Variants in PIK3C3 observed in about 807,000 individuals in gnomAD.
The protein encoded by PIK3C3 is PI3-kinase type 3.
Under a neutral mutation model 126.1 loss-of-function variants are expected in PIK3C3, and 95 were observed. That is an observed-to-expected ratio of 0.75 (90% confidence interval 0.64 to 0.89). PIK3C3 has a LOEUF of 0.89. PIK3C3 is among the 40% of genes least tolerant of loss of function. The pLI, the probability that PIK3C3 is intolerant of heterozygous loss-of-function variation, is 0.00. For synonymous variants in PIK3C3, 374 were observed against 360.0 expected (o/e 1.04, Z -0.44); for missense variants, 829 against 1,063.2 (o/e 0.78, Z 3.06).
At chr18:42,022,288 C>T (rs182175269) in intron 13 of PIK3C3, among the ~76,000 whole-genome samples, 1 of 152,282 alleles carries the variant, frequency 6.6e-6, no homozygotes, top group African/African-American at 2.4e-5. Context: ...ATCCCTGCCC[C>T]CATCCCCAAC....
At chr18:42,029,282 T>G in intron 14 of PIK3C3, 43 bp from the exon 15 acceptor site, 1 of 1,145,558 alleles carries the variant, frequency 8.7e-7, no homozygotes, top group African/African-American at 1.5e-5. Flanking sequence ...TCCAGATCAT[T>G]ACGCAACATA....
At chr18:41,982,430 T>C (rs1039538971) in intron 4 of PIK3C3, among the ~76,000 whole-genome samples, 30 of 152,160 alleles carry the variant, frequency 2.0e-4, no homozygotes, top group Admixed American at 1.9e-3. Flanking sequence ...TTGGATTTTA[T>C]TTCAGGTGGT....
At chr18:42,019,779 A>C (rs373569410) in intron 12 of PIK3C3, among the ~76,000 whole-genome samples, 2 of 152,148 alleles carry the variant, frequency 1.3e-5, no homozygotes, top group East Asian at 1.9e-4. Flanking sequence ...TCTGACAGGC[A>C]TTTTGAACTT....
chr18:42,005,042 T>G (rs1179634115), intron 10 of PIK3C3, among the ~76,000 whole-genome samples: 1 of 152,202 alleles, frequency 6.6e-6, no homozygotes, highest in Non-Finnish European at 1.5e-5. Context: ...ATATGTAGAT[T>G]TTCTGAAGGG....
intron 21 of PIK3C3, among the ~76,000 whole-genome samples, chr18:42,051,782 C>A (rs1984814132): frequency 6.6e-6 from 1 of 151,720 alleles, no homozygotes; most frequent in Non-Finnish European, 1.5e-5. Flanking sequence ...ATCTTTTAAC[C>A]ACAAGAATCA....
Position 42,064,731 on chromosome 18 carries a change from C to G in PIK3C3, c.2433-9C>G. Reference sequence around the variant, plus strand: ...CGTTGCTATTTTTTTCTTTTCTGCTCTTCTTTAGGTATTCTAATCTGATTT... The same window carrying G: ...CGTTGCTATTTTTTTCTTTTCTGCTGTTCTTTAGGTATTCTAATCTGATTT... On this transcript the variant is annotated splice_polypyrimidine_tract_variant and intron_variant, in intron 22 of 24. Transcript: ENST00000262039. The G allele has an allele frequency of 6.9e-7, 1 of 1,439,636 alleles. No individual in the cohort carries two copies. The highest frequency in any genetic ancestry group is 1.8e-4 in the Middle Eastern group (1 of 5,658). The allele number at this position is 1,439,636 out of a possible 1,614,324, so 89.2% of individuals were successfully genotyped here.
intron 24 of PIK3C3, among the ~76,000 whole-genome samples, chr18:42,075,145 C>A (rs1985927613): frequency 6.6e-6 from 1 of 151,886 alleles, no homozygotes; most frequent in South Asian, 2.1e-4. Flanking sequence ...AAAATTGTGA[C>A]CTAAAAAGAA....
intron 11 of PIK3C3, 36 bp downstream of exon 11, chr18:42,013,632 G>T: frequency 6.8e-7 from 1 of 1,464,552 alleles, no homozygotes. Context: ...TTTCTAGTTT[G>T]TTAATTTTTC....
intron 9 of PIK3C3, among the ~76,000 whole-genome samples, chr18:41,997,775 A>G (rs1053814751): frequency 1.3e-5 from 2 of 152,160 alleles, no homozygotes; most frequent in African/African-American, 4.8e-5. Context: ...CAGACTCACA[A>G]AGCTTATACA....
chr18:42,054,126 G>GTATATATATA (rs60224978), intron 21 of PIK3C3, among the ~76,000 whole-genome samples: 2 of 69,652 alleles, frequency 2.9e-5, no homozygotes, highest in African/African-American at 5.0e-5. Flanking sequence ...AGAACTAATG[G>GTATATATATA]TATATATATA....
At chr18:42,008,461 C>T (rs561560399) in intron 10 of PIK3C3, among the ~76,000 whole-genome samples, 15 of 152,198 alleles carry the variant, frequency 9.9e-5, no homozygotes, top group African/African-American at 1.7e-4. Flanking sequence ...GAGGCAAAAT[C>T]GGAACCCATG....
intron 15 of PIK3C3, among the ~76,000 whole-genome samples, 160 bp from the exon 16 acceptor site, chr18:42,033,666 A>G (rs1983923635): frequency 1.3e-5 from 2 of 152,230 alleles, no homozygotes; most frequent in South Asian, 4.1e-4. Flanking sequence ...GGGATTATTT[A>G]TAAGTGCTTG....
intron 21 of PIK3C3, 94 bp from the exon 22 acceptor site, chr18:42,057,789 G>C (rs950803925): frequency 9.1e-7 from 1 of 1,100,410 alleles, no homozygotes; most frequent in African/African-American, 1.6e-5. Flanking sequence ...TATTCTTTAT[G>C]AAGAGACACT....
intron 13 of PIK3C3, chr18:42,025,493 C>G (rs1983525981): frequency 6.6e-6 from 1 of 152,216 alleles, no homozygotes; most frequent in Non-Finnish European, 1.5e-5. Context: ...GTCTTTCCTT[C>G]TATTTAAGTG....
At chr18:42,000,537 TGATG>T (rs1982236031) in intron 9 of PIK3C3, among the ~76,000 whole-genome samples, 1 of 152,172 alleles carries the variant, frequency 6.6e-6, no homozygotes, top group African/African-American at 2.4e-5. Flanking sequence ...GGCCTGAACC[TGATG>T]GATTTATATA....
In PIK3C3 at chr18:42,083,819, G is replaced by A. The variant is rs1986331316; in HGVS notation, c.*2682G>A. 1 of 152,186 alleles carries A rather than the reference G, an allele frequency of 6.6e-6. No homozygotes were observed. Among genetic ancestry groups the A allele is most frequent in the Non-Finnish European group, 1.5e-5 (1 of 68,048 alleles). 9.4% of individuals were successfully genotyped at this position (152,186 alleles called of 1,614,324 possible). On this transcript the variant is annotated 3_prime_UTR_variant, in exon 25 of 25. Coordinates refer to ENST00000262039, the MANE Select transcript of PIK3C3 (RefSeq NM_002647.4). ...GAGCAGAGTTGGGATTTGAAGTCGA[G>A]TTAGACCCCAGTGATCACAGTCTTG...
intron 4 of PIK3C3, among the ~76,000 whole-genome samples, chr18:41,976,483 C>T (rs1185929741): frequency 6.6e-6 from 1 of 152,078 alleles, no homozygotes. Context: ...TTAATATCAA[C>T]AAAACCTCTT....
chr18:42,037,823 G>A lies in PIK3C3; in HGVS notation c.1968+3G>A, dbSNP rs148363308. 2 of 1,603,472 alleles carry A rather than the reference G, an allele frequency of 1.2e-6. No homozygotes were observed. Among genetic ancestry groups the A allele is most frequent in the Non-Finnish European group, 1.7e-6 (2 of 1,172,552 alleles). On this transcript the variant is annotated splice_donor_region_variant and intron_variant, in intron 17 of 24. Transcript: ENST00000262039. ...AAATCATTTCACTCATGGACAAGGT[G>A]AACATGACCTTATGTTGGTGGGGAA...
In PIK3C3 at chr18:42,085,029, T is replaced by C. The variant is rs1158288948; in HGVS notation, c.*3892T>C. ...GTCATCCAACCCAACCAGGTATCTCTTGTTATATGCTAACTTCATTTTCCC... is the reference window on the plus strand; with the variant it reads ...GTCATCCAACCCAACCAGGTATCTCCTGTTATATGCTAACTTCATTTTCCC... On this transcript the variant is annotated 3_prime_UTR_variant, in exon 25 of 25. Transcript: ENST00000262039. 1 of 152,250 alleles carries C rather than the reference T, an allele frequency of 6.6e-6. No homozygotes were observed. Among genetic ancestry groups the C allele is most frequent in the Non-Finnish European group, 1.5e-5 (1 of 68,046 alleles). The allele number at this position is 152,250 out of a possible 1,614,324, so 9.4% of individuals were successfully genotyped here.
Sources: allele counts gnomAD v4.1 joint callset (sites outside exome capture counted in the v4.1 genomes callset), GRCh38; gene constraint gnomAD v4.1.1; transcripts MANE v1.5; gene names NCBI Gene and HGNC (gene_info 2026-07-23, HGNC 2026-07-21).